NRG3: variants seen among roughly 807,000 people sequenced by gnomAD.
The protein encoded by NRG3 is neuregulin 3, also known as pro-neuregulin-3, membrane-bound isoform.
In NRG3, 31 loss-of-function variants were observed where a neutral mutation model predicts 66.9. The observed-to-expected ratio is 0.46, with a 90% confidence interval of 0.35 to 0.63. The LOEUF (loss-of-function observed/expected upper bound fraction) is 0.63. Among genes scored for constraint, NRG3 ranks in the 20% least tolerant of loss-of-function variants. The pLI is 0.00. For missense variants in NRG3, 910 were observed against 878.9 expected, an observed-to-expected ratio of 1.04 and a Z score of -0.45; for synonymous variants, 393 against 359.4, an observed-to-expected ratio of 1.09 and a Z score of -1.06.
chr10:82,408,322 T>C (rs948764032), intron 2 of NRG3, among the ~76,000 whole-genome samples: 3 of 152,034 alleles, frequency 2.0e-5, no homozygotes, highest in Non-Finnish European at 4.4e-5. Context: ...TTCAGCACAG[T>C]GCATATCCTG....
intron 2 of NRG3, among the ~76,000 whole-genome samples, chr10:82,407,227 A>G (rs1017149993): frequency 6.6e-6 from 1 of 152,136 alleles, no homozygotes; most frequent in East Asian, 1.9e-4. Context: ...GAGAACAATT[A>G]AAATTGGAAT....
intron 1 of NRG3, among the ~76,000 whole-genome samples, chr10:82,336,022 T>C (rs2082368047): frequency 1.3e-5 from 2 of 152,140 alleles, no homozygotes; most frequent in African/African-American, 4.8e-5. Context: ...CCATAGACAA[T>C]GCATAAACAG....
chr10:82,085,851 C>G (rs1017049794), intron 1 of NRG3, among the ~76,000 whole-genome samples: 45 of 151,956 alleles, frequency 3.0e-4, no homozygotes, highest in African/African-American at 1.1e-3. Flanking sequence ...GTTGGCCAGG[C>G]TAGTCTCGAA....
intron 1 of NRG3, among the ~76,000 whole-genome samples, chr10:81,941,403 G>A (rs1848392889): frequency 6.6e-6 from 1 of 152,092 alleles, no homozygotes; most frequent in Non-Finnish European, 1.5e-5. Flanking sequence ...TTTCTGAGTG[G>A]AGAGGAAGAT....
chr10:82,881,209 C>T (rs1842270030), intron 4 of NRG3, among the ~76,000 whole-genome samples: 2 of 152,170 alleles, frequency 1.3e-5, no homozygotes, highest in South Asian at 4.1e-4. Flanking sequence ...AACTGATGAA[C>T]TATTTTAAAG....
At chr10:82,111,666 C>T (rs1308196913) in intron 1 of NRG3, among the ~76,000 whole-genome samples, 1 of 152,258 alleles carries the variant, frequency 6.6e-6, no homozygotes, top group African/African-American at 2.4e-5. Context: ...CAGCAGCCCA[C>T]ATTTATTCAT....
intron 1 of NRG3, among the ~76,000 whole-genome samples, chr10:82,053,637 G>A (rs1270753492): frequency 6.6e-6 from 1 of 152,124 alleles, no homozygotes; most frequent in African/African-American, 2.4e-5. Flanking sequence ...ACAAACAGGT[G>A]AATAAAACAC....
chr10:82,142,766 CT>C (rs3036609), intron 1 of NRG3, among the ~76,000 whole-genome samples: 8,760 of 110,452 alleles, frequency 0.079, 274 homozygotes, highest in African/African-American at 0.1. Flanking sequence ...CTCTCTCGCT[CT>C]TTTTTTTTTT....
At chr10:82,374,052 A>G (rs970691615) in intron 2 of NRG3, among the ~76,000 whole-genome samples, 3 of 152,180 alleles carry the variant, frequency 2.0e-5, no homozygotes, top group African/African-American at 7.2e-5. Context: ...CCACCTACTC[A>G]GGAAAGATAA....
In NRG3 at chr10:81,983,800, G is replaced by A. The variant is rs116768433; in HGVS notation, c.823+107637G>A. On this transcript the variant is annotated intron_variant, in intron 1 of 8. Transcript: ENST00000372141. Reference sequence around the variant, plus strand: ...TACTCAATCTCAGTTTATAACTGTTGTAGATTAAATAATGGCCCTTCAAAT... The same window carrying A: ...TACTCAATCTCAGTTTATAACTGTTATAGATTAAATAATGGCCCTTCAAAT... Among the ~76,000 whole-genome samples the A allele has an allele frequency of 5.7e-3, 874 of 152,174 alleles. 7 individuals carry two copies. Among genetic ancestry groups the A allele is most frequent in the African/African-American group, 0.019 (806 of 41,510 alleles).
intron 1 of NRG3, among the ~76,000 whole-genome samples, chr10:82,338,702 G>GGT (rs1409787696): frequency 6.6e-6 from 1 of 152,144 alleles, no homozygotes; most frequent in African/African-American, 2.4e-5. Flanking sequence ...AGATGTGCTT[G>GGT]GTGCCAAGCA....
chr10:82,748,993 T>C (rs1234741084), intron 3 of NRG3, among the ~76,000 whole-genome samples: 1 of 152,128 alleles, frequency 6.6e-6, no homozygotes, highest in Admixed American at 6.6e-5. Flanking sequence ...TTCTCTTCCT[T>C]TGAGCATCAT....
At chr10:82,708,638 C>T (rs1000207180) in intron 2 of NRG3, among the ~76,000 whole-genome samples, 6 of 152,132 alleles carry the variant, frequency 3.9e-5, no homozygotes, top group Admixed American at 3.9e-4. Flanking sequence ...TTACTTAATA[C>T]TATATGTATA....
chr10:82,115,983 C>T (rs1163442279), intron 1 of NRG3, among the ~76,000 whole-genome samples: 1 of 152,086 alleles, frequency 6.6e-6, no homozygotes, highest in Non-Finnish European at 1.5e-5. Context: ...GAAGCTCTGA[C>T]TTTTTGACTA....
rs528433486 is a variant in NRG3 at position 82,502,164 on chromosome 10, G to GT, written c.953+143304dup. Among the ~76,000 whole-genome samples the GT allele has an allele frequency of 4.3e-3, 650 of 151,970 alleles. 7 individuals carry two copies. Among genetic ancestry groups the GT allele is most frequent in the Non-Finnish European group, 3.7e-3 (252 of 67,942 alleles). ...GATTGCTTTCTCTAAAAAAATTAGG[G>GT]TTTTTTTTGTTTGTTTTTTTGTGTT... is the stretch of plus-strand genomic sequence containing the variant. On this transcript the variant is annotated intron_variant, in intron 2 of 8. Coordinates refer to ENST00000372141, the MANE Select transcript of NRG3 (RefSeq NM_001010848.4).
rs527639336 is a variant in NRG3, at chr10:82,051,729, T to C, written c.823+175566T>C. ...AAAATTGTGTTTGTATCAACTGTCC[T>C]GTTTATTTTTGCTTGTCATAATGAG... On this transcript the variant is annotated intron_variant, in intron 1 of 8. Coordinates refer to ENST00000372141, the MANE Select transcript of NRG3 (RefSeq NM_001010848.4). Among the ~76,000 whole-genome samples the C allele has an allele frequency of 9.0e-4, 137 of 152,310 alleles. 1 individual carries two copies. Among genetic ancestry groups the C allele is most frequent in the African/African-American group, 3.2e-3 (132 of 41,576 alleles).
intron 3 of NRG3, among the ~76,000 whole-genome samples, chr10:82,822,335 G>A (rs538991298): frequency 2.3e-4 from 35 of 152,130 alleles, no homozygotes; most frequent in Admixed American, 6.5e-5. Context: ...CATCTGAGAC[G>A]GGGAGTTCCT....
At chr10:82,683,435 C>T (rs1159706238) in intron 2 of NRG3, among the ~76,000 whole-genome samples, 3 of 152,064 alleles carry the variant, frequency 2.0e-5, no homozygotes, top group Non-Finnish European at 2.9e-5. Context: ...TAATGGGTAA[C>T]TTGCCTACTG....
At chr10:82,183,588 G>T (rs999145615) in intron 1 of NRG3, among the ~76,000 whole-genome samples, 1 of 151,954 alleles carries the variant, frequency 6.6e-6, no homozygotes, top group Non-Finnish European at 1.5e-5. Context: ...GAATACAGAA[G>T]ATCAAACAAG....
Sources: allele counts gnomAD v4.1 joint callset (sites outside exome capture counted in the v4.1 genomes callset), GRCh38; gene constraint gnomAD v4.1.1; transcripts MANE v1.5; gene names NCBI Gene and HGNC (gene_info 2026-07-23, HGNC 2026-07-21).